Variants in GPC6 observed in about 807,000 individuals in gnomAD.
GPC6 encodes glypican 6, also known as glypican-6.
A neutral mutation model predicts 55.2 loss-of-function variants in GPC6; 14 were observed. The observed-to-expected ratio is 0.25, with a 90% confidence interval of 0.17 to 0.40. GPC6 has a LOEUF of 0.40. Among genes scored for constraint, GPC6 ranks in the 10% least tolerant of loss-of-function variants. The probability of loss-of-function intolerance (pLI) is 1.00; values close to 1 mark genes in which losing one functional copy is unlikely to be tolerated. For synonymous variants in GPC6, 278 were observed against 259.6 expected, an observed-to-expected ratio of 1.07 and a Z score of -0.68; for missense variants, 641 against 708.5, an observed-to-expected ratio of 0.90 and a Z score of 1.08.
intron 2 of GPC6, among the ~76,000 whole-genome samples, chr13:93,656,595 C>G (rs1880678154): frequency 6.6e-6 from 1 of 152,080 alleles, no homozygotes; most frequent in East Asian, 1.9e-4. Context: ...CTCATTTCTG[C>G]TTTACAAATC....
chr13:94,300,904 A>G (rs376593175), intron 5 of GPC6, among the ~76,000 whole-genome samples: 4 of 152,200 alleles, frequency 2.6e-5, no homozygotes, highest in African/African-American at 9.6e-5. Context: ...CTGGAATTAA[A>G]AGCAGAGGAG....
chr13:93,380,850 A>G (rs554411782), intron 1 of GPC6, among the ~76,000 whole-genome samples: 66 of 152,118 alleles, frequency 4.3e-4, no homozygotes, highest in Admixed American at 9.8e-4. Flanking sequence ...ATTGGCGCAC[A>G]CATTTATTCA....
chr13:93,446,794 T>G (rs944133887), intron 1 of GPC6, among the ~76,000 whole-genome samples: 2 of 152,366 alleles, frequency 1.3e-5, no homozygotes, highest in East Asian at 3.9e-4. Context: ...TTAATGTTAA[T>G]AAGGTACTTC....
chr13:93,534,803 A>C (rs1018068490), intron 1 of GPC6, among the ~76,000 whole-genome samples: 2 of 152,182 alleles, frequency 1.3e-5, no homozygotes, highest in Non-Finnish European at 2.9e-5. Context: ...TCATTCTGCA[A>C]CTTCCTGGTA....
chr13:93,498,052 A>G (rs1022745326), intron 1 of GPC6, among the ~76,000 whole-genome samples: 1 of 152,184 alleles, frequency 6.6e-6, no homozygotes, highest in African/African-American at 2.4e-5. Context: ...AAGAGCTTAG[A>G]CCAGTTGCCC....
intron 1 of GPC6, among the ~76,000 whole-genome samples, chr13:93,528,658 G>A (rs1881745788): frequency 6.6e-6 from 1 of 152,112 alleles, no homozygotes; most frequent in African/African-American, 2.4e-5. Flanking sequence ...ATCTTCTAAG[G>A]TAAATATGGC....
chr13:94,078,468 G>T (rs568335938), intron 4 of GPC6, among the ~76,000 whole-genome samples: 5 of 151,830 alleles, frequency 3.3e-5, no homozygotes, highest in Admixed American at 2.0e-4. Context: ...CTAAGAGTTG[G>T]TTTTTTGCAA....
At chr13:93,961,202 A>T (rs1277346410) in intron 3 of GPC6, among the ~76,000 whole-genome samples, 1 of 152,222 alleles carries the variant, frequency 6.6e-6, no homozygotes, top group Non-Finnish European at 1.5e-5. Context: ...CAGATTACTT[A>T]AATCTAAATT....
rs1167429540 is a variant in GPC6 at position 93,789,520 on chromosome 13, T to C, written c.320-40634T>C. ...CTCTCTCTCTCTCTCTATATATATA[T>C]ATATATATATATATAGTCAGTTAAT... On this transcript the variant is annotated intron_variant, in intron 2 of 8. Transcript: ENST00000377047. 6.5e-5 allele frequency among the ~76,000 whole-genome samples: 9 copies of C among 138,090 alleles called. 1 individual carries two copies. The East Asian group carries it at 1.6e-3, about 25-fold the overall frequency. 90.6% of individuals were successfully genotyped at this position (138,090 alleles called of 152,430 possible). A position where few individuals can be genotyped will look rare whatever the true frequency, so the allele number is the denominator to read the frequency against.
intron 3 of GPC6, among the ~76,000 whole-genome samples, chr13:93,871,858 T>A (rs925092918): frequency 6.6e-6 from 1 of 151,092 alleles, no homozygotes; most frequent in South Asian, 2.1e-4. Flanking sequence ...AATGTTAGAC[T>A]TTTTTTTTAC....
chr13:93,640,396 T>C (rs1441132451), intron 2 of GPC6, among the ~76,000 whole-genome samples: 1 of 152,112 alleles, frequency 6.6e-6, no homozygotes, highest in Non-Finnish European at 1.5e-5. Context: ...AGATTATCCT[T>C]GTTTTATATA....
At chr13:93,228,057 C>T (rs1875868021) in intron 1 of GPC6, among the ~76,000 whole-genome samples, 1 of 152,142 alleles carries the variant, frequency 6.6e-6, no homozygotes, top group Non-Finnish European at 1.5e-5. Flanking sequence ...GCCTTCTCCA[C>T]TCCCGCCCTT....
At chr13:93,328,834 A>C (rs1028515359) in intron 1 of GPC6, among the ~76,000 whole-genome samples, 30 of 152,106 alleles carry the variant, frequency 2.0e-4, no homozygotes, top group Non-Finnish European at 3.7e-4. Context: ...AGGACTGTGT[A>C]ATATTGGAAA....
intron 1 of GPC6, among the ~76,000 whole-genome samples, chr13:93,354,849 G>A (rs1423693907): frequency 6.6e-6 from 1 of 152,086 alleles, no homozygotes; most frequent in Admixed American, 6.5e-5. Context: ...ATCCCAGGAG[G>A]GGAGCCTTAA....
intron 6 of GPC6, among the ~76,000 whole-genome samples, chr13:94,331,838 A>G (rs1032601099): frequency 6.6e-5 from 10 of 152,218 alleles, no homozygotes; most frequent in Admixed American, 6.5e-4. Context: ...TTTCTTCCTC[A>G]GGGAAAGTTT....
At chr13:93,587,555 C>G (rs1877263329) in intron 2 of GPC6, among the ~76,000 whole-genome samples, 1 of 152,162 alleles carries the variant, frequency 6.6e-6, no homozygotes, top group Admixed American at 6.5e-5. Flanking sequence ...CCAGGTGTCA[C>G]AGACCTGTCC....
At chr13:93,774,630 T>C (rs987625775) in intron 2 of GPC6, among the ~76,000 whole-genome samples, 1 of 152,168 alleles carries the variant, frequency 6.6e-6, no homozygotes, top group East Asian at 1.9e-4. Context: ...AACATCTTGA[T>C]GTATGAATTA....
chr13:93,516,498 G>T (rs755485998), intron 1 of GPC6, among the ~76,000 whole-genome samples: 1 of 152,084 alleles, frequency 6.6e-6, no homozygotes, highest in African/African-American at 2.4e-5. Flanking sequence ...GAAACAAGCT[G>T]TGAATACATT....
chr13:93,409,493 A>G (rs1051820800), intron 1 of GPC6, among the ~76,000 whole-genome samples: 4 of 152,100 alleles, frequency 2.6e-5, no homozygotes, highest in African/African-American at 9.7e-5. Context: ...TAACTGAAAA[A>G]GGGAAGGTGT....
Sources: gnomAD v4.1 joint callset for allele counts (sites outside exome capture counted in the v4.1 genomes callset) on GRCh38, gnomAD v4.1.1 for gene constraint, MANE v1.5 for transcripts, NCBI Gene and HGNC (gene_info 2026-07-23, HGNC 2026-07-21) for gene names.